The following SLC1A6 variants were observed in gnomAD, a reference collection of about 807,000 sequenced individuals.
SLC1A6 encodes excitatory amino acid transporter 4.
In SLC1A6, 15 loss-of-function variants were observed where a neutral mutation model predicts 42.1. The observed-to-expected ratio is 0.36, with a 90% CI of 0.24 to 0.55. The LOEUF (loss-of-function observed/expected upper bound fraction) is 0.55. Ranked by LOEUF, SLC1A6 falls within the 20% of genes least tolerant of loss-of-function variation. The pLI is 0.88. For synonymous variants in SLC1A6, 317 were observed against 319.7 expected, an observed-to-expected ratio of 0.99 and a Z score of 0.09; for missense variants, 542 against 772.5, an observed-to-expected ratio of 0.70 and a Z score of 3.54.
intron 1 of SLC1A6, among the ~76,000 whole-genome samples, chr19:14,998,573 A>T (rs1043687100): frequency 2.0e-5 from 3 of 152,088 alleles, no homozygotes; most frequent in African/African-American, 7.2e-5. Context: ...ATAAACAACA[A>T]CAACAAAAAA....
At chr19:14,983,838 G>C (rs117575513), upstream of SLC1A6, among the ~76,000 whole-genome samples, 4,602 of 151,596 alleles carry the variant, frequency 0.03, 96 homozygotes, top group Middle Eastern at 0.056. Context: ...TGTTGGCCAT[G>C]AGCTCAATGT....
chr19:14,953,546 C>T (rs968870204), intron 8 of SLC1A6, among the ~76,000 whole-genome samples: 2 of 151,756 alleles, frequency 1.3e-5, no homozygotes, highest in Non-Finnish European at 2.9e-5. Flanking sequence ...TGAGCCACCG[C>T]GCCTGACAGA....
chr19:14,982,057 C>T (rs1372056877), upstream of SLC1A6, among the ~76,000 whole-genome samples: 1 of 138,106 alleles, frequency 7.2e-6, no homozygotes, highest in Non-Finnish European at 1.5e-5. Flanking sequence ...GACCCTGTCT[C>T]TAAAAAAAAA....
chr19:14,956,263 G>T (rs1381382159), intron 7 of SLC1A6, among the ~76,000 whole-genome samples: 1 of 152,080 alleles, frequency 6.6e-6, no homozygotes, highest in African/African-American at 2.4e-5. Context: ...CTCCTCCACA[G>T]AAAGTTAAAA....
intron 1 of SLC1A6, among the ~76,000 whole-genome samples, chr19:15,000,298 T>C (rs2045866724): frequency 6.6e-6 from 1 of 152,226 alleles, no homozygotes; most frequent in Non-Finnish European, 1.5e-5. Flanking sequence ...GTTGCCACGA[T>C]GTATAACAGA....
chr19:14,995,844 GAT>G (rs1438207574), intron 1 of SLC1A6, among the ~76,000 whole-genome samples: 303 of 152,300 alleles, frequency 2.0e-3, no homozygotes, highest in African/African-American at 7.2e-3. Flanking sequence ...GAAGAAGAGA[GAT>G]GGTAGATCAC....
At chr19:14,969,180 T>A (rs1329952662) in intron 3 of SLC1A6, among the ~76,000 whole-genome samples, 1 of 152,126 alleles carries the variant, frequency 6.6e-6, no homozygotes, top group Non-Finnish European at 1.5e-5. Flanking sequence ...CCACTATTAA[T>A]CCCAAAATCA....
At chr19:14,986,914 G>GAA (rs1462212899) in intron 1 of SLC1A6, among the ~76,000 whole-genome samples, 8 of 152,142 alleles carry the variant, frequency 5.3e-5, no homozygotes, top group African/African-American at 1.9e-4. Flanking sequence ...TGGCAATGAA[G>GAA]AATATAATGA....
chr19:14,988,135 G>T (rs968453495), intron 1 of SLC1A6, among the ~76,000 whole-genome samples: 1 of 152,162 alleles, frequency 6.6e-6, no homozygotes, highest in South Asian at 2.1e-4. Flanking sequence ...CCCCAAGTCT[G>T]CTGTTAGCTT....
In SLC1A6 at chr19:14,961,837, A is replaced by C. The variant is rs1255499049; in HGVS notation, c.935+165T>G. ...AACAAGGAAGTCAACTAGTGATGAA[A>C]TCATCCCAGAAAGACATGAATGAAT... On this transcript the variant is annotated intron_variant, in intron 6 of 9. Coordinates refer to ENST00000594383, the MANE Select transcript of SLC1A6 (RefSeq NM_005071.3). The C allele has an allele frequency of 5.9e-6, 6 of 1,023,210 alleles. No homozygotes were observed. In the Admixed American group the frequency reaches 9.1e-5, roughly 15 times the overall value. 63.4% of individuals were successfully genotyped at this position (1,023,210 alleles called of 1,614,324 possible). A position where few individuals can be genotyped will look rare whatever the true frequency, so the allele number is the denominator to read the frequency against.
chr19:14,977,701 A>C (rs2045726853), intron 1 of SLC1A6: 1 of 152,218 alleles, frequency 6.6e-6, no homozygotes. Flanking sequence ...GGATCGCTTG[A>C]ACCCAGGAGT....
In SLC1A6 at chr19:15,003,587, C is replaced by T. The variant is rs574854487; in HGVS notation, c.6+6898G>A. On this transcript the variant is annotated intron_variant, in intron 1 of 8. Transcript: ENST00000430939. Reference sequence around the variant, plus strand: ...CCTGGTGTCCCAGAAGGGAAGACATCGGGGAACCTAAAAAGGGGTCTCTGA... The same window carrying T: ...CCTGGTGTCCCAGAAGGGAAGACATTGGGGAACCTAAAAAGGGGTCTCTGA... Among the ~76,000 whole-genome samples the T allele has an allele frequency of 1.3e-4, 19 of 147,504 alleles. No homozygotes were observed. The East Asian group carries it at 1.4e-3, about 11-fold the overall frequency.
At chr19:14,954,675 C>T (rs2045445335) in intron 7 of SLC1A6, among the ~76,000 whole-genome samples, 1 of 151,994 alleles carries the variant, frequency 6.6e-6, no homozygotes, top group Non-Finnish European at 1.5e-5. Flanking sequence ...CCCTTGAGAA[C>T]ATTGAGCAGG....
intron 1 of SLC1A6, among the ~76,000 whole-genome samples, chr19:14,997,585 C>T (rs577044282): frequency 8.6e-4 from 131 of 152,268 alleles, no homozygotes; most frequent in African/African-American, 3.0e-3. Context: ...GAGCAAGTGG[C>T]TGCTTCTCCC....
intron 1 of SLC1A6, among the ~76,000 whole-genome samples, chr19:14,991,273 A>T (rs371955684): frequency 1.6e-4 from 25 of 152,098 alleles, no homozygotes; most frequent in East Asian, 1.3e-3. Flanking sequence ...GGCGATTGAA[A>T]TGTTCTGGAC....
chr19:14,982,075 T>C (rs76997878), upstream of SLC1A6, among the ~76,000 whole-genome samples: 7,544 of 149,100 alleles, frequency 0.051, 402 homozygotes, highest in African/African-American at 0.13. Context: ...AAAAATAAAA[T>C]TTAAAAATGA....
At chr19:14,991,220 G>C (rs941346498) in intron 1 of SLC1A6, among the ~76,000 whole-genome samples, 7 of 152,266 alleles carry the variant, frequency 4.6e-5, no homozygotes, top group African/African-American at 1.7e-4. Context: ...CTGCAGGCGG[G>C]AGAAATGATG....
chr19:14,968,636 C>T (rs1282364506), intron 3 of SLC1A6, 129 bp from the exon 4 acceptor site: 2 of 773,216 alleles, frequency 2.6e-6, no homozygotes, highest in African/African-American at 3.5e-5. Context: ...TTCCTATAGC[C>T]CACCCCAAAA....
At chr19:14,992,334 C>A (rs1191895411) in intron 1 of SLC1A6, among the ~76,000 whole-genome samples, 1 of 152,196 alleles carries the variant, frequency 6.6e-6, no homozygotes, top group South Asian at 2.1e-4. Context: ...GTATCTCAAC[C>A]TCACTGTGGC....
Sources: gnomAD v4.1 joint callset for allele counts (sites outside exome capture counted in the v4.1 genomes callset) on GRCh38, gnomAD v4.1.1 for gene constraint, MANE v1.5 for transcripts, NCBI Gene and HGNC (gene_info 2026-07-23, HGNC 2026-07-21) for gene names.